The following KTN1 variants were observed in gnomAD, a reference collection of about 807,000 sequenced individuals.
KTN1 encodes the protein kinectin.
KTN1 carries 130 observed loss-of-function variants against 222.5 expected under a neutral mutation model. The observed-to-expected ratio is 0.58, with a 90% CI of 0.51 to 0.68. KTN1 has a LOEUF of 0.68. Among genes scored for constraint, KTN1 ranks in the 30% least tolerant of loss-of-function variants. The probability of loss-of-function intolerance (pLI) is 0.00; values close to 1 mark genes in which losing one functional copy is unlikely to be tolerated. For synonymous variants in KTN1, 512 were observed against 496.3 expected (o/e 1.03, Z -0.42); for missense variants, 1,508 against 1,500.4 (o/e 1.01, Z -0.08).
Position 55,671,874 on chromosome 14 carries a change from A to G in KTN1, c.3528A>G (p.Lys1176=). Residue 1176 remains lysine (K), a synonymous_variant, in exon 37 of 44, where the codon AAA becomes AAG. Coordinates refer to ENST00000395314, the MANE Select transcript of KTN1 (RefSeq NM_001079521.2). ...VKVDESHKTI[K]QMQSSFTSSE... ...TCGATGAATCACACAAGACTATTAA[A>G]CAGGTATTTACAAAAGAAAAGCTTA... is the stretch of plus-strand genomic sequence containing the variant. The G allele has an allele frequency of 6.5e-7, 1 of 1,547,950 alleles. No homozygotes were observed. Among genetic ancestry groups the G allele is most frequent in the Non-Finnish European group, 8.9e-7 (1 of 1,120,456 alleles).
At chr14:55,610,884 C>G (rs905696300) in intron 1 of KTN1, among the ~76,000 whole-genome samples, 1 of 152,192 alleles carries the variant, frequency 6.6e-6, no homozygotes, top group Non-Finnish European at 1.5e-5. Context: ...CAAATTACAT[C>G]GCCACCCGCC....
intron 34 of KTN1, chr14:55,668,501 A>G (rs2045097402): frequency 6.6e-6 from 1 of 152,130 alleles, no homozygotes; most frequent in Admixed American, 6.6e-5. Context: ...GTAATCAGGA[A>G]TCTGATTCCT....
chr14:55,611,038 A>T (rs2037475857), intron 1 of KTN1, among the ~76,000 whole-genome samples: 1 of 152,176 alleles, frequency 6.6e-6, no homozygotes, highest in African/African-American at 2.4e-5. Flanking sequence ...TTTGTGCAGT[A>T]TGGGGTGCCT....
chr14:55,637,048 G>GC, intron 10 of KTN1, 150 bp from the exon 11 acceptor site: 1 of 517,140 alleles, frequency 1.9e-6, no homozygotes, highest in Non-Finnish European at 3.5e-6. Context: ...CCCATGAAAC[G>GC]CAAGTATAGC....
At chr14:55,626,808 G>T (rs1249930167) in intron 5 of KTN1, among the ~76,000 whole-genome samples, 1 of 151,988 alleles carries the variant, frequency 6.6e-6, no homozygotes, top group Non-Finnish European at 1.5e-5. Context: ...TGCCTCACTG[G>T]CTAGTTGCTC....
chr14:55,593,426 A>C (rs1345008177), intron 1 of KTN1, among the ~76,000 whole-genome samples: 7 of 146,966 alleles, frequency 4.8e-5, no homozygotes, highest in African/African-American at 1.8e-4. Context: ...CTAATTGATC[A>C]GAAATAGACA....
chr14:55,623,001 T>A (rs1348898791), intron 5 of KTN1, among the ~76,000 whole-genome samples: 1 of 152,226 alleles, frequency 6.6e-6, no homozygotes, highest in Admixed American at 6.5e-5. Flanking sequence ...CTGTCTGTCC[T>A]ATCTCCCCTT....
intron 1 of KTN1, among the ~76,000 whole-genome samples, chr14:55,603,188 T>A (rs2036232415): frequency 6.6e-6 from 1 of 152,118 alleles, no homozygotes; most frequent in African/African-American, 2.4e-5. Context: ...GTCAGCATAT[T>A]ATCATGCTGT....
At chr14:55,582,200 A>C (rs2031843983) in intron 1 of KTN1, among the ~76,000 whole-genome samples, 1 of 152,214 alleles carries the variant, frequency 6.6e-6, no homozygotes, top group Non-Finnish European at 1.5e-5. Context: ...CAGCATTATG[A>C]AGAGACATTT....
At chr14:55,581,346 A>C (rs983813937) in intron 1 of KTN1, among the ~76,000 whole-genome samples, 1 of 152,244 alleles carries the variant, frequency 6.6e-6, no homozygotes, top group Non-Finnish European at 1.5e-5. Flanking sequence ...GGGAGGAAGG[A>C]GGAATCTAAA....
intron 1 of KTN1, among the ~76,000 whole-genome samples, chr14:55,585,341 G>C (rs1294325924): frequency 1.3e-5 from 2 of 152,006 alleles, no homozygotes; most frequent in African/African-American, 4.8e-5. Flanking sequence ...CACATGATTA[G>C]GACCATTTGT....
At chr14:55,598,464 C>T (rs191317274) in intron 1 of KTN1, among the ~76,000 whole-genome samples, 1 of 151,166 alleles carries the variant, frequency 6.6e-6, no homozygotes, top group East Asian at 1.9e-4. Flanking sequence ...ATATTGGTTC[C>T]TCAATCAGTC....
At chr14:55,668,127 A>G (rs902057481) in intron 34 of KTN1, 2 of 152,136 alleles carry the variant, frequency 1.3e-5, no homozygotes, top group Admixed American at 6.6e-5. Flanking sequence ...TTTCTAAAAC[A>G]TAAGCATTTC....
intron 15 of KTN1, 114 bp downstream of exon 15, chr14:55,640,556 A>C (rs10135508): frequency 0.08 from 56,237 of 704,944 alleles, 2,542 homozygotes; most frequent in South Asian, 0.099. Flanking sequence ...ATAATGGTTT[A>C]TCATCTTTGG....
intron 40 of KTN1, chr14:55,674,892 TATTCTTGGGCCAAAAG>T (rs2045765356): frequency 1.3e-5 from 2 of 152,186 alleles, no homozygotes; most frequent in South Asian, 4.1e-4. Flanking sequence ...GTGCTTTGTG[TATTCTTGGGCCAAAAG>T]ATTAATTTCT....
intron 28 of KTN1, 35 bp downstream of exon 28, chr14:55,653,631 A>G: frequency 6.6e-7 from 1 of 1,509,808 alleles, no homozygotes; most frequent in Non-Finnish European, 9.2e-7. Context: ...TTGAAGAGAA[A>G]CAAACGTCTC....
chr14:55,631,362 A>G (rs2040511763), intron 7 of KTN1, among the ~76,000 whole-genome samples: 1 of 145,130 alleles, frequency 6.9e-6, no homozygotes, highest in African/African-American at 2.5e-5. Flanking sequence ...ATATATATAT[A>G]TATATATGTA....
chr14:55,679,094 G>C (rs1490672605), intron 42 of KTN1: 1 of 156,144 alleles, frequency 6.4e-6, no homozygotes, highest in Non-Finnish European at 1.4e-5. Context: ...AAAAGGCAAT[G>C]ATAATAGTAC....
intron 31 of KTN1, chr14:55,661,305 A>G (rs1228198780): frequency 1.9e-5 from 8 of 420,002 alleles, no homozygotes; most frequent in Non-Finnish European, 3.0e-5. Flanking sequence ...AAGCCTGAGC[A>G]TACCATATTA....
Sources: gnomAD v4.1 joint callset for allele counts (sites outside exome capture counted in the v4.1 genomes callset) on GRCh38, gnomAD v4.1.1 for gene constraint, MANE v1.5 for transcripts, NCBI Gene and HGNC (gene_info 2026-07-23, HGNC 2026-07-21) for gene names.